Variants in WWOX observed in about 807,000 individuals in gnomAD.
The protein encoded by WWOX is WW domain-containing oxidoreductase.
A neutral mutation model predicts 46.2 loss-of-function variants in WWOX; 69 were observed. The observed-to-expected ratio is 1.49, with a 90% CI of 1.23 to 1.82. The LOEUF is 1.82. Among genes scored for constraint, WWOX ranks in the 40% most tolerant of loss-of-function variants. The pLI is 0.00. For synonymous variants in WWOX, 359 were observed against 202.6 expected (o/e 1.77, Z -6.56); for missense variants, 919 against 542.6 (o/e 1.69, Z -6.89).
chr16:78,784,307 C>T (rs528431165), intron 8 of WWOX, among the ~76,000 whole-genome samples: 2 of 152,196 alleles, frequency 1.3e-5, no homozygotes, highest in East Asian at 3.9e-4. Context: ...GCCAGTCAAG[C>T]CCTGACTCCT....
At chr16:78,633,943 C>G (rs1447534516) in intron 8 of WWOX, among the ~76,000 whole-genome samples, 1 of 150,588 alleles carries the variant, frequency 6.6e-6, no homozygotes, top group Middle Eastern at 3.2e-3. Context: ...ACAGTTCCAG[C>G]TCTGCCGACC....
intron 8 of WWOX, among the ~76,000 whole-genome samples, chr16:78,915,549 C>T (rs977328243): frequency 2.0e-5 from 3 of 152,062 alleles, no homozygotes; most frequent in African/African-American, 7.2e-5. Flanking sequence ...GGGGACTGGG[C>T]ATTTGAAGAT....
intron 5 of WWOX, among the ~76,000 whole-genome samples, chr16:78,352,525 C>T (rs1290585791): frequency 6.6e-6 from 1 of 152,194 alleles, no homozygotes; most frequent in East Asian, 1.9e-4. Flanking sequence ...AAGTCCTTCT[C>T]AAACTGCCCT....
At chr16:78,769,708 G>GTAAA (rs2050017635) in intron 8 of WWOX, among the ~76,000 whole-genome samples, 1 of 151,402 alleles carries the variant, frequency 6.6e-6, no homozygotes, top group Admixed American at 6.6e-5. Flanking sequence ...CTACTAAAGG[G>GTAAA]TAAAGAGAAT....
intron 5 of WWOX, among the ~76,000 whole-genome samples, chr16:78,319,368 C>G (rs975044688): frequency 6.6e-6 from 1 of 152,054 alleles, no homozygotes; most frequent in African/African-American, 2.4e-5. Context: ...CACTGCGATC[C>G]TCCCACCTCA....
At chr16:79,065,901 C>T (rs569202632) in intron 8 of WWOX, among the ~76,000 whole-genome samples, 1 of 152,324 alleles carries the variant, frequency 6.6e-6, no homozygotes, top group Admixed American at 6.5e-5. Context: ...TGGCTTCATT[C>T]TCATGACCAT....
At chr16:78,197,303 G>A (rs190018028) in intron 5 of WWOX, among the ~76,000 whole-genome samples, 4 of 152,154 alleles carry the variant, frequency 2.6e-5, no homozygotes, top group Non-Finnish European at 4.4e-5. Flanking sequence ...TTTCTAATAC[G>A]ATATTATACC....
At chr16:78,540,222 C>T (rs2043858876) in intron 8 of WWOX, among the ~76,000 whole-genome samples, 1 of 151,248 alleles carries the variant, frequency 6.6e-6, no homozygotes, top group African/African-American at 2.4e-5. Context: ...GATTGATCTC[C>T]TGCAGCAAGG....
rs541920824 is a variant in WWOX at position 78,336,697 on chromosome 16, C to T, written c.517-50163C>T. Among the ~76,000 whole-genome samples, 7 of 152,138 alleles carry T rather than the reference C, an allele frequency of 4.6e-5. No homozygotes were observed. In the East Asian group the frequency reaches 1.4e-3, roughly 29 times the overall value. ...GGGAACATAGACCCAGAGCTGCCAT[C>T]TTTTCTAATTTTTTTAAAAATTAGA... On this transcript the variant is annotated intron_variant, in intron 5 of 8. Coordinates refer to ENST00000566780, the MANE Select transcript of WWOX (RefSeq NM_016373.4).
chr16:78,632,649 C>G (rs2046462418), intron 8 of WWOX, among the ~76,000 whole-genome samples: 1 of 148,436 alleles, frequency 6.7e-6, no homozygotes, highest in African/African-American at 2.5e-5. Context: ...ACCTCTGCCT[C>G]CCATATTCAA....
At chr16:78,986,758 C>T (rs1212088658) in intron 8 of WWOX, among the ~76,000 whole-genome samples, 3 of 152,140 alleles carry the variant, frequency 2.0e-5, no homozygotes, top group Non-Finnish European at 4.4e-5. Context: ...TTCTTGATAG[C>T]TTCAGAAGAG....
intron 5 of WWOX, among the ~76,000 whole-genome samples, chr16:78,321,628 C>G (rs2151884349): frequency 6.6e-6 from 1 of 151,992 alleles, no homozygotes; most frequent in South Asian, 2.1e-4. Context: ...TATGTATTAT[C>G]TTATTACTCT....
intron 8 of WWOX, among the ~76,000 whole-genome samples, chr16:78,931,917 G>C (rs1207346047): frequency 6.6e-6 from 1 of 152,178 alleles, no homozygotes; most frequent in Non-Finnish European, 1.5e-5. Flanking sequence ...TGTTATGATA[G>C]TGAATAAGTC....
At chr16:78,529,886 A>G (rs1050385057) in intron 8 of WWOX, among the ~76,000 whole-genome samples, 12 of 152,234 alleles carry the variant, frequency 7.9e-5, no homozygotes, top group African/African-American at 2.2e-4. Context: ...ATAACAGGTA[A>G]TGCTAATCAT....
intron 8 of WWOX, among the ~76,000 whole-genome samples, chr16:79,140,413 G>A (rs2050067218): frequency 6.6e-6 from 1 of 152,178 alleles, no homozygotes; most frequent in Non-Finnish European, 1.5e-5. Context: ...CTTGCCCTTT[G>A]CTGATGGTGA....
rs930512040 is a variant in WWOX at position 78,638,854 on chromosome 16, T to A, written c.1056+206102T>A. 2.2e-4 allele frequency among the ~76,000 whole-genome samples: 34 copies of A among 152,148 alleles called. 1 individual carries two copies. Among genetic ancestry groups the A allele is most frequent in the South Asian group, 8.3e-4 (4 of 4,820 alleles). On this transcript the variant is annotated intron_variant, in intron 8 of 8. Transcript: ENST00000566780. ...TAGCTCCTGTGAAGATTCAGGAATTTTTTTTTTCTTCTATTTGCAAGCTTT... is the reference window on the plus strand; with the variant it reads ...TAGCTCCTGTGAAGATTCAGGAATTATTTTTTTCTTCTATTTGCAAGCTTT...
At chr16:78,884,281 A>C (rs983980381) in intron 8 of WWOX, among the ~76,000 whole-genome samples, 2 of 148,846 alleles carry the variant, frequency 1.3e-5, no homozygotes, top group African/African-American at 5.0e-5. Flanking sequence ...TCCAAAAAAA[A>C]AAAAAAAAAA....
intron 8 of WWOX, among the ~76,000 whole-genome samples, chr16:78,503,078 A>T (rs772681442): frequency 3.5e-4 from 53 of 152,314 alleles, no homozygotes; most frequent in Admixed American, 3.1e-3. Flanking sequence ...ATTGCCTTTC[A>T]TATGTTGCTG....
chr16:78,964,640 A>G (rs62036003), intron 8 of WWOX, among the ~76,000 whole-genome samples: 48,626 of 152,218 alleles, frequency 0.32, 9,066 homozygotes, highest in Non-Finnish European at 0.4. Flanking sequence ...GAGAAATTCA[A>G]GCTGGCTGCA....
Sources: allele counts gnomAD v4.1 joint callset (sites outside exome capture counted in the v4.1 genomes callset), GRCh38; gene constraint gnomAD v4.1.1; transcripts MANE v1.5; gene names NCBI Gene and HGNC (gene_info 2026-07-23, HGNC 2026-07-21).